Variants in CHD9 observed in about 807,000 individuals in gnomAD.
The protein encoded by CHD9 is chromodomain helicase DNA binding protein 9, also known as ATP-dependent chromatin remodeler CHD9.
CHD9 carries 77 observed loss-of-function variants against 316.1 expected under a neutral mutation model. The observed-to-expected ratio is 0.24, with a 90% CI of 0.20 to 0.29. The LOEUF (loss-of-function observed/expected upper bound fraction) is 0.29, where lower values mean the gene tolerates loss of function less well. Among genes scored for constraint, CHD9 ranks in the 10% least tolerant of loss-of-function variants. The probability of loss-of-function intolerance (pLI) is 1.00; values close to 1 mark genes in which losing one functional copy is unlikely to be tolerated. For missense variants in CHD9, 2,763 were observed against 3,438.1 expected, an observed-to-expected ratio of 0.80 and a Z score of 4.91; for synonymous variants, 1,129 against 1,158.3, an observed-to-expected ratio of 0.97 and a Z score of 0.51.
rs1049223414 is a variant in CHD9, at chr16:53,174,335, T to G, written c.1452+16794T>G. On this transcript the variant is annotated intron_variant, in intron 2 of 38. Coordinates refer to ENST00000447540, the MANE Select transcript of CHD9 (RefSeq NM_001308319.2). ...AATGTGTTATTTAATTATATTTGCT[T>G]TCTAGAGACCTTTCTAATTTAATTC... Among the ~76,000 whole-genome samples the G allele has an allele frequency of 2.0e-5, 3 of 152,240 alleles. No homozygotes were observed. In the East Asian group the frequency reaches 5.8e-4, roughly 29 times the overall value.
At chr16:53,193,531 A>C (rs1034979989) in intron 2 of CHD9, among the ~76,000 whole-genome samples, 1 of 152,116 alleles carries the variant, frequency 6.6e-6, no homozygotes, top group Non-Finnish European at 1.5e-5. Context: ...GTATTTCCCT[A>C]ATGTCTAATA....
At chr16:53,313,463 G>A (rs2056634703) in intron 34 of CHD9, among the ~76,000 whole-genome samples, 1 of 151,892 alleles carries the variant, frequency 6.6e-6, no homozygotes, top group South Asian at 2.1e-4. Flanking sequence ...CCGCCACCAC[G>A]CCCAGCTAAT....
At chr16:53,248,713 G>T (rs894801193) in intron 16 of CHD9, among the ~76,000 whole-genome samples, 2 of 151,452 alleles carry the variant, frequency 1.3e-5, no homozygotes, top group East Asian at 3.9e-4. Flanking sequence ...GTAGAGACAG[G>T]GTCTCACTGT....
chr16:53,081,873 A>AATGAATG (rs1476555596), intron 1 of CHD9, among the ~76,000 whole-genome samples: 157 of 97,758 alleles, frequency 1.6e-3, no homozygotes, highest in South Asian at 0.013. Flanking sequence ...ATGAATGAAT[A>AATGAATG]AACCAATAAC....
chr16:53,292,493 G>A lies in CHD9; in HGVS notation c.5291-340G>A, dbSNP rs575205020. ...AATACAGAAGGCTTCCATTAGAAGC[G>A]TTTACAATATTCAGCCTCTCATGGA... On this transcript the variant is annotated intron_variant, in intron 28 of 38. Coordinates refer to ENST00000447540, the MANE Select transcript of CHD9 (RefSeq NM_001308319.2). Among the ~76,000 whole-genome samples, 12 of 152,230 alleles carry A rather than the reference G, an allele frequency of 7.9e-5. No homozygotes were observed. In the South Asian group the frequency reaches 8.3e-4, roughly 11 times the overall value.
chr16:53,082,243 T>C (rs866317499), intron 1 of CHD9, among the ~76,000 whole-genome samples: 3 of 138,442 alleles, frequency 2.2e-5, no homozygotes, highest in African/African-American at 5.1e-5. Flanking sequence ...TTTATTTATT[T>C]ATTTATTCAT....
chr16:53,203,917 G>A (rs998320425), intron 2 of CHD9, among the ~76,000 whole-genome samples: 3 of 149,490 alleles, frequency 2.0e-5, no homozygotes, highest in South Asian at 2.1e-4. Flanking sequence ...CCAGCTACTC[G>A]TGAGCCTGAG....
intron 3 of CHD9, among the ~76,000 whole-genome samples, chr16:53,215,284 A>C (rs1340346251): frequency 6.6e-6 from 1 of 152,230 alleles, no homozygotes; most frequent in Admixed American, 6.5e-5. Context: ...CGTAGCTAAC[A>C]ACTTGGATCC....
chr16:53,092,221 G>A (rs1344113072), intron 1 of CHD9, among the ~76,000 whole-genome samples: 1 of 152,216 alleles, frequency 6.6e-6, no homozygotes, highest in Non-Finnish European at 1.5e-5. Flanking sequence ...GCAGCCTGGC[G>A]CAGGCTGTAC....
At chr16:53,310,800 G>A (rs1330755366) in intron 34 of CHD9, 4 of 150,998 alleles carry the variant, frequency 2.6e-5, no homozygotes, top group Non-Finnish European at 4.4e-5. Context: ...GCAGTGAGCC[G>A]AGGTCGGGCC....
At chr16:53,188,659 A>G (rs1206093500) in intron 2 of CHD9, among the ~76,000 whole-genome samples, 1 of 121,022 alleles carries the variant, frequency 8.3e-6, no homozygotes, top group African/African-American at 3.3e-5. Context: ...CAGTGGTACC[A>G]TCTCGGCTCA....
chr16:53,093,375 C>T (rs762484111), intron 1 of CHD9, among the ~76,000 whole-genome samples: 6 of 152,170 alleles, frequency 3.9e-5, no homozygotes, highest in Non-Finnish European at 7.3e-5. Flanking sequence ...CTATTACAGC[C>T]CTAAGCACTA....
chr16:53,256,022 A>G (rs1056124559), intron 19 of CHD9, among the ~76,000 whole-genome samples: 7 of 152,260 alleles, frequency 4.6e-5, no homozygotes, highest in African/African-American at 1.7e-4. Flanking sequence ...AGTAGAACAT[A>G]TGAAATCAAA....
intron 1 of CHD9, among the ~76,000 whole-genome samples, chr16:53,140,340 C>T (rs1249544115): frequency 6.6e-6 from 1 of 150,554 alleles, no homozygotes; most frequent in Non-Finnish European, 1.5e-5. Context: ...TGCCTGTAAT[C>T]CCAGCTACAG....
In CHD9 at chr16:53,231,908, T is replaced by C. The variant is rs1250394923; in HGVS notation, c.2511+124T>C. On this transcript the variant is annotated intron_variant, in intron 10 of 38. Transcript: ENST00000447540. ...TTAAACAGGCTTGTTACTATGTGAG[T>C]CTAGTTTTGGGAGCCAAAGCTTAAG... 3.2e-6 allele frequency: 3 copies of C among 946,900 alleles called. No homozygotes were observed. The East Asian group carries it at 8.1e-5, about 26-fold the overall frequency. 58.7% of individuals were successfully genotyped at this position (946,900 alleles called of 1,614,324 possible).
chr16:53,321,238 T>C, intron 37 of CHD9: 1 of 1,335,998 alleles, frequency 7.5e-7, no homozygotes, highest in Non-Finnish European at 9.8e-7. Context: ...CTCTAGAGGG[T>C]GTACTTTTAA....
intron 1 of CHD9, among the ~76,000 whole-genome samples, chr16:53,111,120 GT>G (rs1364172175): frequency 2.0e-5 from 3 of 152,150 alleles, no homozygotes; most frequent in African/African-American, 7.2e-5. Flanking sequence ...GGGTTCTAAT[GT>G]TGGTTGTCCC....
chr16:53,198,584 C>T (rs2045156510), intron 2 of CHD9, among the ~76,000 whole-genome samples: 1 of 152,104 alleles, frequency 6.6e-6, no homozygotes, highest in Non-Finnish European at 1.5e-5. Context: ...CCTCGGCCTC[C>T]CAAAGTGCTA....
intron 29 of CHD9, among the ~76,000 whole-genome samples, chr16:53,295,548 A>G (rs1048553171): frequency 6.6e-6 from 1 of 152,158 alleles, no homozygotes; most frequent in African/African-American, 2.4e-5. Context: ...AATGAAATTC[A>G]TCTTTTCCTT....
Sources: gnomAD v4.1 joint callset for allele counts (sites outside exome capture counted in the v4.1 genomes callset) on GRCh38, gnomAD v4.1.1 for gene constraint, MANE v1.5 for transcripts, NCBI Gene and HGNC (gene_info 2026-07-23, HGNC 2026-07-21) for gene names.